Variants in ETV1 observed in about 807,000 individuals in gnomAD.
ETV1 encodes ETS variant transcription factor 1.
In ETV1, 27 loss-of-function variants were observed where a neutral mutation model predicts 62.3. The ratio of observed to expected loss-of-function variants is 0.43; its 90% CI spans 0.32 to 0.60. The LOEUF is 0.60. Among genes scored for constraint, ETV1 ranks in the 20% least tolerant of loss-of-function variants. The pLI is 0.06. For synonymous variants in ETV1, 222 were observed against 199.6 expected (o/e 1.11, Z -0.94); for missense variants, 605 against 605.8 (o/e 1.00, Z 0.01).
chr7:13,988,898 T>G (rs1013055144), intron 3 of ETV1, 110 bp downstream of exon 3: 1 of 1,535,868 alleles, frequency 6.5e-7, no homozygotes, highest in South Asian at 1.2e-5. Flanking sequence ...ACAAAGCAGA[T>G]AAGTATCTGC....
At chr7:13,944,690 C>T (rs1396692776) in intron 6 of ETV1, among the ~76,000 whole-genome samples, 2 of 152,130 alleles carry the variant, frequency 1.3e-5, no homozygotes, top group Non-Finnish European at 2.9e-5. Flanking sequence ...TAGGGAGCTG[C>T]TGGAGAAACA....
intron 9 of ETV1, among the ~76,000 whole-genome samples, chr7:13,927,861 C>A (rs933488580): frequency 6.6e-6 from 1 of 152,112 alleles, no homozygotes; most frequent in African/African-American, 2.4e-5. Flanking sequence ...CAAAACACAA[C>A]TGTATCCTAT....
rs140933456 is a variant in ETV1, at chr7:13,925,728, G to A, written c.802+5774C>T. Among the ~76,000 whole-genome samples the A allele has an allele frequency of 6.4e-3, 814 of 127,896 alleles. 56 individuals carry two copies. The East Asian group carries it at 0.15, about 23-fold the overall frequency. The allele number at this position is 127,896 out of a possible 152,430, so 83.9% of individuals were successfully genotyped here. On this transcript the variant is annotated intron_variant, in intron 9 of 13. Coordinates refer to ENST00000430479, the MANE Select transcript of ETV1 (RefSeq NM_004956.5). ...CTACAGGGACCCGCCACTGCGCCCG[G>A]CTAATTTTTTGTATTTTTTTTAGTA... is the stretch of plus-strand genomic sequence containing the variant.
intron 10 of ETV1, among the ~76,000 whole-genome samples, chr7:13,910,983 A>G (rs899265937): frequency 2.6e-5 from 4 of 152,212 alleles, no homozygotes; most frequent in Non-Finnish European, 5.9e-5. Context: ...CTATTTTAAA[A>G]GGATGTGGTT....
chr7:13,945,671 T>G (rs1788070758), intron 6 of ETV1, among the ~76,000 whole-genome samples: 1 of 152,166 alleles, frequency 6.6e-6, no homozygotes, highest in East Asian at 1.9e-4. Flanking sequence ...TATTCTTAAA[T>G]AAGAGTAGTG....
chr7:13,924,035 CA>C (rs1240146165), intron 9 of ETV1, among the ~76,000 whole-genome samples: 7 of 146,356 alleles, frequency 4.8e-5, no homozygotes, highest in South Asian at 2.2e-4. Context: ...AACTCTGTCT[CA>C]AAAAAAAAAT....
intron 6 of ETV1, among the ~76,000 whole-genome samples, chr7:13,960,595 T>G (rs887650408): frequency 2.0e-5 from 3 of 152,056 alleles, no homozygotes; most frequent in Non-Finnish European, 4.4e-5. Context: ...TCTATAAAAT[T>G]TATAAATTTA....
At chr7:13,925,178 C>G (rs1300418229) in intron 9 of ETV1, among the ~76,000 whole-genome samples, 4 of 152,132 alleles carry the variant, frequency 2.6e-5, no homozygotes, top group Non-Finnish European at 5.9e-5. Flanking sequence ...TCTCTTCATT[C>G]CCTACTCTGA....
chr7:13,983,109 C>T (rs1362900062), intron 5 of ETV1, among the ~76,000 whole-genome samples: 1 of 151,888 alleles, frequency 6.6e-6, no homozygotes, highest in Non-Finnish European at 1.5e-5. Context: ...AACTCCTACT[C>T]GAAGTGTGGA....
intron 9 of ETV1, among the ~76,000 whole-genome samples, chr7:13,926,390 T>A (rs6955460): frequency 0.24 from 36,421 of 152,064 alleles, 5,527 homozygotes; most frequent in African/African-American, 0.42. Context: ...CACCTAACAC[T>A]TTCAGCTCTA....
intron 6 of ETV1, among the ~76,000 whole-genome samples, chr7:13,970,326 AAAG>A (rs1780773253): frequency 7.2e-6 from 1 of 138,484 alleles, no homozygotes; most frequent in Non-Finnish European, 1.6e-5. Flanking sequence ...ACACACACAC[AAAG>A]CAGCAACTAC....
At chr7:13,929,817 G>A (rs1463471872) in intron 9 of ETV1, among the ~76,000 whole-genome samples, 1 of 152,080 alleles carries the variant, frequency 6.6e-6, no homozygotes. Flanking sequence ...AATTCCCTTC[G>A]TCCTTTGAAC....
At chr7:13,897,177 T>G (rs1326284639) in intron 13 of ETV1, among the ~76,000 whole-genome samples, 1 of 152,144 alleles carries the variant, frequency 6.6e-6, no homozygotes, top group Non-Finnish European at 1.5e-5. Context: ...TGAATACAGT[T>G]CTTTCTATTA....
intron 6 of ETV1, among the ~76,000 whole-genome samples, chr7:13,962,076 T>C (rs1320194037): frequency 6.6e-6 from 1 of 152,050 alleles, no homozygotes; most frequent in Non-Finnish European, 1.5e-5. Context: ...GTGTATTTCA[T>C]ATATCTATAT....
At chr7:13,948,572 T>G (rs985763378) in intron 6 of ETV1, among the ~76,000 whole-genome samples, 4 of 152,204 alleles carry the variant, frequency 2.6e-5, no homozygotes, top group African/African-American at 9.6e-5. Flanking sequence ...CACCTGTTTT[T>G]GTAAATGAAG....
At chr7:13,971,886 G>A (rs1229266279) in intron 6 of ETV1, among the ~76,000 whole-genome samples, 2 of 152,070 alleles carry the variant, frequency 1.3e-5, no homozygotes, top group East Asian at 3.9e-4. Flanking sequence ...TAAGGCGGGC[G>A]GATCACTTGA....
intron 6 of ETV1, among the ~76,000 whole-genome samples, chr7:13,952,262 G>A (rs1788911913): frequency 6.6e-6 from 1 of 152,112 alleles, no homozygotes. Flanking sequence ...GAAGCCATTA[G>A]GCCAAGTCAT....
chr7:13,903,258 C>A (rs1782616061), intron 12 of ETV1, among the ~76,000 whole-genome samples: 1 of 152,104 alleles, frequency 6.6e-6, no homozygotes, highest in Non-Finnish European at 1.5e-5. Flanking sequence ...GGCATTCACC[C>A]TTATTGTCAA....
chr7:13,956,503 G>A (rs1298678107), intron 6 of ETV1, among the ~76,000 whole-genome samples: 2 of 152,180 alleles, frequency 1.3e-5, no homozygotes, highest in African/African-American at 2.4e-5. Context: ...TAGCAATAGT[G>A]TCATGGCAAC....
Sources: gnomAD v4.1 joint callset for allele counts (sites outside exome capture counted in the v4.1 genomes callset) on GRCh38, gnomAD v4.1.1 for gene constraint, MANE v1.5 for transcripts, NCBI Gene and HGNC (gene_info 2026-07-23, HGNC 2026-07-21) for gene names.